MTMR10: variants seen among roughly 807,000 people sequenced by gnomAD.
MTMR10 encodes the protein myotubularin-related protein 10.
Under a neutral mutation model 88.1 loss-of-function variants are expected in MTMR10, and 56 were observed. The ratio of observed to expected loss-of-function variants is 0.64; its 90% CI spans 0.51 to 0.79. The LOEUF (loss-of-function observed/expected upper bound fraction) is 0.79. Among genes scored for constraint, MTMR10 ranks in the 30% least tolerant of loss-of-function variants. MTMR10 has a pLI of 0.00. For synonymous variants in MTMR10, 380 were observed against 340.9 expected, an observed-to-expected ratio of 1.11 and a Z score of -1.26; for missense variants, 883 against 924.7, an observed-to-expected ratio of 0.95 and a Z score of 0.58.
intron 2 of MTMR10, among the ~76,000 whole-genome samples, chr15:30,984,724 C>T (rs2030827220): frequency 1.3e-5 from 2 of 152,152 alleles, no homozygotes; most frequent in South Asian, 4.1e-4. Context: ...CATTCATTAT[C>T]TAATAGTTAA....
intron 1 of MTMR10, chr15:30,991,122 G>T: frequency 1.9e-6 from 1 of 515,808 alleles, no homozygotes; most frequent in East Asian, 3.4e-5. Flanking sequence ...AATCATGCTG[G>T]CGGTCATACG....
Position 30,958,844 on chromosome 15 carries a change from A to T in MTMR10, c.935+19T>A, listed in dbSNP as rs756781494. The T allele has an allele frequency of 4.3e-6, 7 of 1,609,804 alleles. No individual in the cohort carries two copies. In the East Asian group the frequency reaches 1.1e-4, roughly 26 times the overall value. ...ACAAGTAAAACTATCTAAAGTGACAATGACCATTTCTCAATTACCTCTGGT... is the reference window on the plus strand; with the variant it reads ...ACAAGTAAAACTATCTAAAGTGACATTGACCATTTCTCAATTACCTCTGGT... On this transcript the variant is annotated intron_variant, in intron 9 of 15. Transcript: ENST00000435680.
At chr15:30,925,424 C>T in the MTMR10 span, 10 of 886,636 alleles carry the variant, frequency 1.1e-5, no homozygotes, top group East Asian at 5.3e-5. Flanking sequence ...TCGTTTTGGA[C>T]GGCTGTGTGG....
At position 30,974,907 on chromosome 15, in the gene MTMR10, G is replaced by C. The variant is rs777477167; in HGVS notation, c.331+24C>G. The C allele has an allele frequency of 2.1e-6, 3 of 1,405,882 alleles. No homozygotes were observed. In the African/African-American group the frequency reaches 4.3e-5, roughly 20 times the overall value. 87.1% of individuals were successfully genotyped at this position (1,405,882 alleles called of 1,614,324 possible). ...ACTTCCAGAGTGGAATTGACTTTTA[G>C]AGTATGTACGGAATACTACGTACCT... On this transcript the variant is annotated intron_variant, in intron 4 of 15. Transcript: ENST00000435680.
chr15:30,958,791 TTAG>T (rs1428307434), intron 9 of MTMR10, 69 bp downstream of exon 9: 8 of 1,485,410 alleles, frequency 5.4e-6, no homozygotes, highest in East Asian at 4.5e-5. Context: ...TTATTTTCAA[TTAG>T]TAGGGAACTC....
chr15:30,967,308 G>A (rs1054227525), intron 6 of MTMR10, among the ~76,000 whole-genome samples: 7 of 152,122 alleles, frequency 4.6e-5, no homozygotes, highest in African/African-American at 1.7e-4. Context: ...AGAATGTACA[G>A]AATTGCATGA....
chr15:30,940,139 G>A lies in MTMR10; in HGVS notation c.*1331C>T. On this transcript the variant is annotated 3_prime_UTR_variant, in exon 16 of 16. Transcript: ENST00000435680. ...TCTTAGGATGGCAGTTTAAGAAACA[G>A]TCAAATTTGAAAGTATCCATGTTTT... The A allele has an allele frequency of 1.0e-6, 1 of 985,428 alleles. No individual in the cohort carries two copies. The highest frequency in any genetic ancestry group is 1.2e-6 in the Non-Finnish European group (1 of 829,904). The allele number at this position is 985,428 out of a possible 1,614,324, so 61.0% of individuals were successfully genotyped here. A position where few individuals can be genotyped will look rare whatever the true frequency, so the allele number is the denominator to read the frequency against.
the MTMR10 span, among the ~76,000 whole-genome samples, chr15:30,933,694 G>A: frequency 6.6e-6 from 1 of 151,378 alleles, no homozygotes; most frequent in Non-Finnish European, 1.5e-5. Context: ...TTATTTACTT[G>A]TTCTATAAAT....
At chr15:30,935,747 G>A (rs1201877979), downstream of MTMR10, among the ~76,000 whole-genome samples, 1 of 151,846 alleles carries the variant, frequency 6.6e-6, no homozygotes, top group East Asian at 1.9e-4. Flanking sequence ...TTTTCTCCGT[G>A]CAATGAATTT....
chr15:30,976,251 A>T (rs1192648285), intron 3 of MTMR10, among the ~76,000 whole-genome samples: 1 of 152,036 alleles, frequency 6.6e-6, no homozygotes, highest in Non-Finnish European at 1.5e-5. Context: ...AAAATACAAC[A>T]GTTAGCCGGG....
In MTMR10 at chr15:30,941,864, G is replaced by A. The variant is rs748740793; in HGVS notation, c.1940C>T (p.Pro647Leu). Residue 647 changes from proline (P) to leucine (L), a missense_variant, in exon 16 of 16, where the codon CCA becomes CTA. Physicochemically the swap from Pro to Leu is moderately conservative, Grantham distance 98. Transcript: ENST00000435680. ...TTTTATGTGTGTTCCAGAGACACGT[G>A]GCAGAATAACACCGTGCAGGTTGGC... The part of the protein sequence containing the change: ...KPANLHGVIL[P>L]RVSGTHIKLW... 6.2e-7 allele frequency: 1 copy of A among 1,614,052 alleles called. No individual in the cohort carries two copies. The highest frequency in any genetic ancestry group is 1.7e-5 in the Admixed American group (1 of 60,028).
chr15:30,960,582 A>G (rs928448705), intron 7 of MTMR10, among the ~76,000 whole-genome samples: 3 of 152,186 alleles, frequency 2.0e-5, no homozygotes, highest in African/African-American at 4.8e-5. Context: ...AGCAAATTCA[A>G]TGTGAAGACT....
intron 3 of MTMR10, among the ~76,000 whole-genome samples, chr15:30,975,694 C>T (rs900932517): frequency 6.6e-6 from 1 of 152,040 alleles, no homozygotes; most frequent in Non-Finnish European, 1.5e-5. Context: ...CTGTAATGAA[C>T]ACACAAATAT....
chr15:30,924,346 CCT>C, the MTMR10 span, among the ~76,000 whole-genome samples: 1 of 152,170 alleles, frequency 6.6e-6, no homozygotes, highest in African/African-American at 2.4e-5. Context: ...TTTGGGAATA[CCT>C]GAGAGTGGAA....
intron 7 of MTMR10, 125 bp downstream of exon 7, chr15:30,960,756 A>G: frequency 8.4e-6 from 10 of 1,194,766 alleles, no homozygotes; most frequent in Non-Finnish European, 1.1e-5. Flanking sequence ...TATTTATTAA[A>G]ACATTATTAA....
intron 2 of MTMR10, among the ~76,000 whole-genome samples, chr15:30,987,142 C>A (rs939554652): frequency 6.6e-6 from 1 of 152,204 alleles, no homozygotes; most frequent in Non-Finnish European, 1.5e-5. Context: ...TATTTCAATT[C>A]CAGGCTCCGA....
chr15:30,969,729 T>C lies in MTMR10; in HGVS notation c.475-1719A>G, dbSNP rs145349741. ...CATAACAAATTAAATCTCCTCATTC[T>C]TGATTCTTCACAAAACTGGCTCTCC... On this transcript the variant is annotated intron_variant, in intron 5 of 15. Coordinates refer to ENST00000435680, the MANE Select transcript of MTMR10 (RefSeq NM_017762.3). 7.6e-4 allele frequency among the ~76,000 whole-genome samples: 115 copies of C among 152,312 alleles called. 1 individual carries two copies. Among genetic ancestry groups the C allele is most frequent in the East Asian group, 6.0e-3 (31 of 5,186 alleles).
chr15:30,979,044 G>A (rs923860957), intron 2 of MTMR10, among the ~76,000 whole-genome samples: 5 of 152,072 alleles, frequency 3.3e-5, no homozygotes, highest in African/African-American at 7.2e-5. Context: ...GTAAATCTTA[G>A]ATATGAATTG....
intron 6 of MTMR10, among the ~76,000 whole-genome samples, chr15:30,963,984 CAT>C (rs1491321428): frequency 1.3e-5 from 2 of 151,516 alleles, no homozygotes; most frequent in Non-Finnish European, 2.9e-5. Context: ...TGCAGAAAAA[CAT>C]ATGATAGATA....
Sources: gnomAD v4.1 joint callset for allele counts (sites outside exome capture counted in the v4.1 genomes callset) on GRCh38, gnomAD v4.1.1 for gene constraint, MANE v1.5 for transcripts, NCBI Gene and HGNC (gene_info 2026-07-23, HGNC 2026-07-21) for gene names.